The following NELL2 variants were observed in gnomAD, a reference collection of about 807,000 sequenced individuals.
The protein encoded by NELL2 is protein kinase C-binding protein NELL2.
NELL2 carries 41 observed loss-of-function variants against 109.6 expected under a neutral mutation model. The ratio of observed to expected loss-of-function variants is 0.37; its 90% confidence interval spans 0.29 to 0.49. The LOEUF (loss-of-function observed/expected upper bound fraction) is 0.49. NELL2 is among the 20% of genes least tolerant of loss of function. The pLI, the probability that NELL2 is intolerant of heterozygous loss-of-function variation, is 0.98. For missense variants in NELL2, 900 were observed against 1,008.3 expected, an observed-to-expected ratio of 0.89 and a Z score of 1.45; for synonymous variants, 355 against 344.7, an observed-to-expected ratio of 1.03 and a Z score of -0.33.
At chr12:44,856,770 G>A (rs1021567983) in intron 2 of NELL2, among the ~76,000 whole-genome samples, 1 of 152,186 alleles carries the variant, frequency 6.6e-6, no homozygotes, top group African/African-American at 2.4e-5. Context: ...GGCATAATAA[G>A]AACTCTGTCT....
intron 15 of NELL2, among the ~76,000 whole-genome samples, chr12:44,548,159 A>G (rs1326685230): frequency 6.6e-6 from 1 of 152,206 alleles, no homozygotes; most frequent in African/African-American, 2.4e-5. Flanking sequence ...CTCAGCAAAT[A>G]GGACTGGGAT....
intron 2 of NELL2, among the ~76,000 whole-genome samples, chr12:44,858,243 A>G (rs928109749): frequency 3.3e-5 from 5 of 152,188 alleles, no homozygotes; most frequent in Non-Finnish European, 7.3e-5. Flanking sequence ...GAAGATGTCT[A>G]GCTCCCAGGC....
At chr12:44,854,404 A>G (rs79325425) in intron 2 of NELL2, among the ~76,000 whole-genome samples, 1 of 152,224 alleles carries the variant, frequency 6.6e-6, no homozygotes, top group Non-Finnish European at 1.5e-5. Context: ...GATGCTCTTT[A>G]GGAGGGAACT....
intron 3 of NELL2, among the ~76,000 whole-genome samples, chr12:44,788,736 T>C (rs978748604): frequency 4.6e-5 from 7 of 152,170 alleles, no homozygotes; most frequent in Non-Finnish European, 8.8e-5. Flanking sequence ...TCTGTTCTTT[T>C]GCAGCTGGGA....
At chr12:44,665,764 C>A (rs1947905297) in intron 12 of NELL2, among the ~76,000 whole-genome samples, 155 bp from the exon 13 acceptor site, 1 of 152,184 alleles carries the variant, frequency 6.6e-6, no homozygotes, top group Non-Finnish European at 1.5e-5. Flanking sequence ...GTTTAATGTT[C>A]AAATGACAAA....
chr12:44,889,699 A>T (rs1414397771), intron 1 of NELL2, among the ~76,000 whole-genome samples: 2 of 152,204 alleles, frequency 1.3e-5, no homozygotes, highest in Non-Finnish European at 2.9e-5. Flanking sequence ...TGTAAACTTA[A>T]ATCCATAAAC....
intron 13 of NELL2, among the ~76,000 whole-genome samples, chr12:44,619,261 A>G (rs1218254573): frequency 6.6e-6 from 1 of 152,178 alleles, no homozygotes; most frequent in African/African-American, 2.4e-5. Flanking sequence ...GAGCTGGCAG[A>G]TGGTGATGAC....
intron 13 of NELL2, among the ~76,000 whole-genome samples, chr12:44,636,818 C>T (rs576849768): frequency 1.8e-4 from 28 of 152,128 alleles, no homozygotes; most frequent in Middle Eastern, 3.4e-3. Flanking sequence ...AGGGAGGAGT[C>T]CCTCTTTTTC....
chr12:44,903,726 A>C (rs1945688154), intron 1 of NELL2, among the ~76,000 whole-genome samples: 1 of 152,196 alleles, frequency 6.6e-6, no homozygotes, highest in South Asian at 2.1e-4. Context: ...GAACGAGTTC[A>C]TGTCCTTTGC....
chr12:44,627,586 C>T (rs1946313333), intron 13 of NELL2, among the ~76,000 whole-genome samples: 1 of 152,072 alleles, frequency 6.6e-6, no homozygotes, highest in African/African-American at 2.4e-5. Context: ...GTTGACTGCT[C>T]TGAGTCTGGC....
chr12:44,667,946 T>A (rs1419901662), intron 12 of NELL2, among the ~76,000 whole-genome samples: 2 of 152,104 alleles, frequency 1.3e-5, no homozygotes, highest in Non-Finnish European at 2.9e-5. Flanking sequence ...ATGGCATTGT[T>A]CCGGAAAGGG....
chr12:44,677,654 G>T (rs1205780708), intron 12 of NELL2, among the ~76,000 whole-genome samples: 2 of 152,052 alleles, frequency 1.3e-5, no homozygotes, highest in Non-Finnish European at 2.9e-5. Context: ...CTTGATACTA[G>T]TTTCAGTTCT....
At chr12:44,881,778 C>G (rs769800863) in intron 1 of NELL2, 1 of 151,906 alleles carries the variant, frequency 6.6e-6, no homozygotes, top group African/African-American at 2.4e-5. Flanking sequence ...CATAAACTTA[C>G]AGATTCAAGG....
At chr12:44,554,621 A>AT (rs1245473162) in intron 15 of NELL2, among the ~76,000 whole-genome samples, 1 of 152,230 alleles carries the variant, frequency 6.6e-6, no homozygotes, top group East Asian at 1.9e-4. Flanking sequence ...GTCAATTTCA[A>AT]TTTTTAAAAA....
intron 3 of NELL2, among the ~76,000 whole-genome samples, chr12:44,799,176 T>C (rs1172143496): frequency 6.6e-6 from 1 of 152,010 alleles, no homozygotes; most frequent in Admixed American, 6.6e-5. Context: ...GCCAGGACGG[T>C]CTTGATCTCC....
intron 2 of NELL2, among the ~76,000 whole-genome samples, chr12:44,872,606 T>C (rs1166350420): frequency 1.3e-5 from 2 of 152,184 alleles, no homozygotes; most frequent in South Asian, 2.1e-4. Flanking sequence ...TGGGAAAGTA[T>C]ATGTTGAGAT....
At chr12:44,611,322 C>T (rs1945612937) in intron 13 of NELL2, among the ~76,000 whole-genome samples, 1 of 152,008 alleles carries the variant, frequency 6.6e-6, no homozygotes, top group African/African-American at 2.4e-5. Context: ...AAATCTGTCA[C>T]CTAACTCATC....
chr12:44,522,568 T>A (rs1383313549), intron 17 of NELL2, among the ~76,000 whole-genome samples: 1 of 152,186 alleles, frequency 6.6e-6, no homozygotes, highest in East Asian at 1.9e-4. Flanking sequence ...TCATAGTTAA[T>A]AACATATATA....
intron 12 of NELL2, among the ~76,000 whole-genome samples, chr12:44,693,904 T>C (rs1432023860): frequency 6.6e-6 from 1 of 152,146 alleles, no homozygotes; most frequent in African/African-American, 2.4e-5. Context: ...AAAAATAATG[T>C]TTCCATATAT....
Sources: allele counts gnomAD v4.1 joint callset (sites outside exome capture counted in the v4.1 genomes callset), GRCh38; gene constraint gnomAD v4.1.1; transcripts MANE v1.5; gene names NCBI Gene and HGNC (gene_info 2026-07-23, HGNC 2026-07-21).